Variants in SCARB1 observed in about 807,000 individuals in gnomAD.
SCARB1 encodes the protein scavenger receptor class B member 1.
In SCARB1, 30 loss-of-function variants were observed where a neutral mutation model predicts 57.2. That is an observed-to-expected ratio of 0.52 (90% CI 0.39 to 0.71). The LOEUF is 0.71. Ranked by LOEUF, SCARB1 falls within the 30% of genes least tolerant of loss-of-function variation. SCARB1 has a pLI of 0.00. For synonymous variants in SCARB1, 249 were observed against 268.3 expected, an observed-to-expected ratio of 0.93 and a Z score of 0.70; for missense variants, 543 against 671.2, an observed-to-expected ratio of 0.81 and a Z score of 2.11.
intron 12 of SCARB1, among the ~76,000 whole-genome samples, chr12:124,782,025 C>A (rs536206418): frequency 6.6e-5 from 10 of 152,352 alleles, no homozygotes; most frequent in Middle Eastern, 6.8e-3. Context: ...CCTGCCTCAG[C>A]CTCCTGAGTA....
chr12:124,831,443 T>G (rs11057838), intron 1 of SCARB1, among the ~76,000 whole-genome samples: 91,182 of 151,932 alleles, frequency 0.6, 28,172 homozygotes, highest in African/African-American at 0.73. Context: ...TGATCCAGGG[T>G]TGGGTACTCT....
intron 8 of SCARB1, among the ~76,000 whole-genome samples, chr12:124,798,413 AAAAT>A (rs971340197): frequency 9.3e-5 from 14 of 151,318 alleles, no homozygotes; most frequent in African/African-American, 3.2e-4. Context: ...TCTGTCTCAA[AAAAT>A]AAATAAATAA....
intron 1 of SCARB1, among the ~76,000 whole-genome samples, chr12:124,861,219 A>G (rs1342681184): frequency 6.6e-6 from 1 of 152,162 alleles, no homozygotes; most frequent in African/African-American, 2.4e-5. Context: ...ATGCTGTGGT[A>G]TTTGCATATC....
In SCARB1 at chr12:124,810,980, C is replaced by T. The variant is rs34801678; in HGVS notation, c.727-691G>A. Among the ~76,000 whole-genome samples the T allele has an allele frequency of 0.065, 9,920 of 152,136 alleles. 375 individuals carry two copies. The highest frequency in any genetic ancestry group is 0.11 in the African/African-American group (4,364 of 41,496). On this transcript the variant is annotated intron_variant, in intron 5 of 12. Transcript: ENST00000261693. The surrounding 1 kb of genome is among the most constrained non-coding windows in gnomAD (Gnocchi z 4.0). ...CTCAGGGTCTTTGCAGTAACTACCACGGGGAGTGGGGAGTGGGAAGTCACA... is the reference window on the plus strand; with the variant it reads ...CTCAGGGTCTTTGCAGTAACTACCATGGGGAGTGGGGAGTGGGAAGTCACA...
At chr12:124,825,969 T>C (rs1278132885) in intron 1 of SCARB1, among the ~76,000 whole-genome samples, 2 of 151,348 alleles carry the variant, frequency 1.3e-5, no homozygotes, top group African/African-American at 4.9e-5. Context: ...GGTCTGGAGG[T>C]TGCATGCACA....
At chr12:124,839,140 T>C (rs1489540522) in intron 1 of SCARB1, 1 of 430,480 alleles carries the variant, frequency 2.3e-6, no homozygotes, top group East Asian at 7.1e-5. Context: ...TGTGCAATTA[T>C]CAGCAACATC....
intron 1 of SCARB1, among the ~76,000 whole-genome samples, chr12:124,834,287 T>G (rs1951538386): frequency 6.6e-6 from 1 of 152,168 alleles, no homozygotes; most frequent in African/African-American, 2.4e-5. Flanking sequence ...GTCCTCAGGT[T>G]CCCAGAAACT....
intron 1 of SCARB1, among the ~76,000 whole-genome samples, chr12:124,845,720 G>A (rs1394072402): frequency 1.5e-5 from 2 of 137,240 alleles, no homozygotes; most frequent in Non-Finnish European, 3.1e-5. Flanking sequence ...AAAAAGAAAT[G>A]TCCAGGGCCG....
At chr12:124,824,703 A>G (rs529306533) in intron 1 of SCARB1, among the ~76,000 whole-genome samples, 143 of 152,314 alleles carry the variant, frequency 9.4e-4, no homozygotes, top group African/African-American at 3.4e-3. Flanking sequence ...GAGTCGGGAC[A>G]GTTTCTAATC....
chr12:124,841,235 G>A (rs1033699619), intron 1 of SCARB1, among the ~76,000 whole-genome samples: 1 of 152,176 alleles, frequency 6.6e-6, no homozygotes. Context: ...AGCCGGGCGT[G>A]GTGGCGGGCG....
rs1213232265 is a variant in SCARB1 at position 124,817,199 on chromosome 12, C to T, written c.284+351G>A. On this transcript the variant is annotated intron_variant, in intron 2 of 12. Coordinates refer to ENST00000261693, the MANE Select transcript of SCARB1 (RefSeq NM_005505.5). The surrounding 1 kb of genome is among the most constrained non-coding windows in gnomAD (Gnocchi z 4.8). ...CACATGCACCCTCCACCCAGACGCA[C>T]ACCATTGGTCCCTCCCTGCTCCATA... is the stretch of plus-strand genomic sequence containing the variant. Among the ~76,000 whole-genome samples the T allele has an allele frequency of 6.6e-6, 1 of 151,628 alleles. No individual in the cohort carries two copies. The highest frequency in any genetic ancestry group is 1.5e-5 in the Non-Finnish European group (1 of 67,896).
chr12:124,845,223 C>T (rs1222899706), intron 1 of SCARB1, among the ~76,000 whole-genome samples: 14 of 152,164 alleles, frequency 9.2e-5, no homozygotes, highest in African/African-American at 1.9e-4. Flanking sequence ...CCAGCCCAGA[C>T]GCCCATCCAC....
intron 6 of SCARB1, among the ~76,000 whole-genome samples, chr12:124,808,343 T>C (rs912966079): frequency 2.0e-5 from 3 of 152,152 alleles, no homozygotes; most frequent in African/African-American, 7.2e-5. Context: ...ACAGAATATA[T>C]CATGCCCCTG....
rs1034890257 is a variant in SCARB1, at chr12:124,848,777, G to A, written c.126+14818C>T. On this transcript the variant is annotated intron_variant, in intron 1 of 12. Transcript: ENST00000261693. ...TTCCAGGCATCTAGAGAATCAGAGC[G>A]TGATCATCACCAGAAAATCCCAGCT... Among the ~76,000 whole-genome samples, 4 of 152,338 alleles carry A rather than the reference G, an allele frequency of 2.6e-5. No individual in the cohort carries two copies. The East Asian group carries it at 7.7e-4, about 29-fold the overall frequency.
intron 1 of SCARB1, among the ~76,000 whole-genome samples, chr12:124,860,991 G>T (rs570188077): frequency 6.6e-6 from 1 of 152,146 alleles, no homozygotes; most frequent in Non-Finnish European, 1.5e-5. Context: ...CTGGTACACA[G>T]AAAAGGGTCT....
chr12:124,784,771 C>T (rs1363909538), intron 11 of SCARB1: 2 of 152,460 alleles, frequency 1.3e-5, no homozygotes, highest in East Asian at 3.9e-4. Flanking sequence ...ACAGCCTTTC[C>T]TGATGACCTG....
intron 1 of SCARB1, among the ~76,000 whole-genome samples, chr12:124,850,804 G>T (rs556099951): frequency 1.3e-5 from 2 of 152,382 alleles, no homozygotes; most frequent in East Asian, 3.9e-4. Flanking sequence ...AACAGCCAGA[G>T]ACAGTGAAAG....
rs1872680468 is a variant in SCARB1, at chr12:124,778,132, G to A, written c.*455C>T. On this transcript the variant is annotated 3_prime_UTR_variant, in exon 13 of 13. Transcript: ENST00000261693. ...GTCCCCACTGAATTTGGCACAGGAA[G>A]GCGGCACTCCCAGCCTGGCCCGTCC... is the stretch of plus-strand genomic sequence containing the variant. 4.1e-6 allele frequency: 1 copy of A among 245,090 alleles called. No individual in the cohort carries two copies. 15.2% of individuals were successfully genotyped at this position (245,090 alleles called of 1,614,324 possible).
intron 1 of SCARB1, among the ~76,000 whole-genome samples, chr12:124,818,681 T>C (rs1950830663): frequency 6.6e-6 from 1 of 151,128 alleles, no homozygotes; most frequent in Non-Finnish European, 1.5e-5. Flanking sequence ...AGTCTTGCTC[T>C]GTGGCCCAGG....
Sources: gnomAD v4.1 joint callset for allele counts (sites outside exome capture counted in the v4.1 genomes callset) on GRCh38, gnomAD v4.1.1 for gene constraint, Gnocchi (gnomAD v3.1) non-coding constraint, MANE v1.5 for transcripts, NCBI Gene and HGNC (gene_info 2026-07-23, HGNC 2026-07-21) for gene names.